Variants in DLGAP2 observed in about 807,000 individuals in gnomAD.
DLGAP2 encodes the protein DLG associated protein 2.
In DLGAP2, 26 loss-of-function variants were observed where a neutral mutation model predicts 100.3. That is an observed-to-expected ratio of 0.26 (90% CI 0.19 to 0.36). The LOEUF is 0.36. DLGAP2 is among the 10% of genes least tolerant of loss of function. DLGAP2 has a pLI of 1.00. For missense variants in DLGAP2, 1,858 were observed against 1,453.2 expected (o/e 1.28, Z -4.53); for synonymous variants, 886 against 630.1 (o/e 1.41, Z -6.08).
intron 3 of DLGAP2, among the ~76,000 whole-genome samples, chr8:1,453,973 C>A (rs922710784): frequency 6.6e-6 from 1 of 152,166 alleles, no homozygotes; most frequent in Non-Finnish European, 1.5e-5. Context: ...TGGCGTGTGG[C>A]GCAGGCGATG....
chr8:1,416,872 T>C (rs1584877601), intron 3 of DLGAP2, among the ~76,000 whole-genome samples: 1 of 152,182 alleles, frequency 6.6e-6, no homozygotes, highest in East Asian at 1.9e-4. Flanking sequence ...GTTCTCTCCC[T>C]AAAACCTGTT....
At chr8:828,567 T>G (rs1796724758) in intron 1 of DLGAP2, among the ~76,000 whole-genome samples, 1 of 152,182 alleles carries the variant, frequency 6.6e-6, no homozygotes, top group South Asian at 2.1e-4. Context: ...CAAACACACA[T>G]GCTGTACAAT....
At chr8:1,698,013 A>C (rs1283395951) in intron 14 of DLGAP2, among the ~76,000 whole-genome samples, 1 of 152,268 alleles carries the variant, frequency 6.6e-6, no homozygotes, top group Non-Finnish European at 1.5e-5. Context: ...TTATTAATTA[A>C]AATGATAAAG....
intron 3 of DLGAP2, chr8:1,369,853 G>C (rs1314861638): frequency 1.3e-5 from 2 of 149,200 alleles, no homozygotes; most frequent in Non-Finnish European, 3.0e-5. Context: ...TTGGAGGCGC[G>C]AGGCGCAAGG....
chr8:963,926 G>A (rs992606873), intron 2 of DLGAP2, among the ~76,000 whole-genome samples: 5 of 152,124 alleles, frequency 3.3e-5, no homozygotes, highest in East Asian at 3.9e-4. Flanking sequence ...CCTGAAGTTC[G>A]AAAGAACTGA....
In DLGAP2 at chr8:1,345,149, G is replaced by A. The variant is rs184019081; in HGVS notation, c.106+86266G>A. 3.5e-3 allele frequency among the ~76,000 whole-genome samples: 324 copies of A among 93,866 alleles called. 1 individual carries two copies. The highest frequency in any genetic ancestry group is 6.1e-3 in the Non-Finnish European group (247 of 40,742). 61.6% of individuals were successfully genotyped at this position (93,866 alleles called of 152,430 possible). A position where few individuals can be genotyped will look rare whatever the true frequency, so the allele number is the denominator to read the frequency against. Reference sequence around the variant, plus strand: ...TAATTCGGTTTTGGTACAGTGTTGAGACCAAGGAAATTCATTAGGGCCCAG... The same window carrying A: ...TAATTCGGTTTTGGTACAGTGTTGAAACCAAGGAAATTCATTAGGGCCCAG... On this transcript the variant is annotated intron_variant, in intron 3 of 14. Coordinates refer to ENST00000637795, the MANE Select transcript of DLGAP2 (RefSeq NM_001346810.2).
chr8:1,698,046 G>C (rs569668339), intron 14 of DLGAP2, among the ~76,000 whole-genome samples: 3 of 152,326 alleles, frequency 2.0e-5, no homozygotes, highest in East Asian at 3.9e-4. Context: ...GCATCCTTTG[G>C]GGAAGTGGTG....
chr8:1,421,535 G>C (rs1381596470), intron 3 of DLGAP2, among the ~76,000 whole-genome samples: 2 of 152,078 alleles, frequency 1.3e-5, no homozygotes, highest in Admixed American at 1.3e-4. Flanking sequence ...CATGGGGTGG[G>C]GGGAATTTAG....
In DLGAP2 at chr8:1,491,255, G is replaced by T. The variant is rs573693450; in HGVS notation, c.107-10111G>T. Among the ~76,000 whole-genome samples the T allele has an allele frequency of 5.2e-4, 79 of 152,144 alleles. 2 individuals carry two copies. In the South Asian group the frequency reaches 0.016, roughly 30 times the overall value. On this transcript the variant is annotated intron_variant, in intron 3 of 14. Transcript: ENST00000637795. ...AATTCACATGTAACTGGCGTCCCAG[G>T]TTGCCTGGCAGCCCTGCCCAGGAAC...
intron 3 of DLGAP2, among the ~76,000 whole-genome samples, chr8:1,312,131 G>A (rs549774005): frequency 4.6e-5 from 7 of 152,290 alleles, no homozygotes; most frequent in East Asian, 3.9e-4. Flanking sequence ...CAGAACATTC[G>A]CCAAGATAGG....
intron 3 of DLGAP2, among the ~76,000 whole-genome samples, chr8:1,277,251 C>G (rs548490435): frequency 2.6e-5 from 4 of 152,292 alleles, no homozygotes; most frequent in South Asian, 4.1e-4. Context: ...CTTCCCCATT[C>G]TGAAGTGGCA....
chr8:1,493,665 C>T (rs150433861), intron 3 of DLGAP2, among the ~76,000 whole-genome samples: 67 of 152,308 alleles, frequency 4.4e-4, no homozygotes, highest in African/African-American at 1.6e-3. Flanking sequence ...GGAAAACGTC[C>T]TATCGGCAAT....
intron 3 of DLGAP2, among the ~76,000 whole-genome samples, chr8:1,360,726 C>T (rs554544524): frequency 1.3e-5 from 2 of 152,172 alleles, no homozygotes; most frequent in African/African-American, 2.4e-5. Flanking sequence ...TGGCCTCGTT[C>T]TTCCGGTAGC....
chr8:1,052,161 G>GCCTGGGCCCGGCCGCCCTT, intron 2 of DLGAP2, among the ~76,000 whole-genome samples: 1 of 152,150 alleles, frequency 6.6e-6, no homozygotes, highest in African/African-American at 2.4e-5. Flanking sequence ...CATGAGGTGG[G>GCCTGGGCCCGGCCGCCCTT]CCTGGGCCCG....
chr8:1,363,782 C>T (rs886639046), intron 3 of DLGAP2, among the ~76,000 whole-genome samples: 14 of 152,318 alleles, frequency 9.2e-5, no homozygotes, highest in South Asian at 2.1e-4. Flanking sequence ...GAACCACGGG[C>T]GACTGAGCCA....
intron 2 of DLGAP2, among the ~76,000 whole-genome samples, chr8:931,509 T>C (rs965774432): frequency 6.6e-6 from 1 of 152,194 alleles, no homozygotes; most frequent in Non-Finnish European, 1.5e-5. Flanking sequence ...GAATCCCAGG[T>C]ATCTCGGCCG....
At chr8:913,064 A>C (rs754574414) in intron 2 of DLGAP2, among the ~76,000 whole-genome samples, 1 of 152,230 alleles carries the variant, frequency 6.6e-6, no homozygotes, top group Non-Finnish European at 1.5e-5. Flanking sequence ...TTCATTTTTA[A>C]AAATTTACAT....
chr8:1,445,678 A>G (rs1797966180), intron 3 of DLGAP2, among the ~76,000 whole-genome samples: 1 of 152,156 alleles, frequency 6.6e-6, no homozygotes, highest in African/African-American at 2.4e-5. Context: ...GACTTCCACA[A>G]TGGTTGAACT....
intron 1 of DLGAP2, among the ~76,000 whole-genome samples, chr8:840,427 T>G (rs7831517): frequency 0.015 from 1,063 of 71,760 alleles, 56 homozygotes; most frequent in East Asian, 0.039. Flanking sequence ...ACGCCTGCAC[T>G]TTTCCCCACA....
Sources: allele counts gnomAD v4.1 joint callset (sites outside exome capture counted in the v4.1 genomes callset), GRCh38; gene constraint gnomAD v4.1.1; transcripts MANE v1.5; gene names NCBI Gene and HGNC (gene_info 2026-07-23, HGNC 2026-07-21).